ADGRB3: variants seen among roughly 807,000 people sequenced by gnomAD.
The protein encoded by ADGRB3 is adhesion G protein-coupled receptor B3, also known as brain-specific angiogenesis inhibitor 3.
In ADGRB3, 37 loss-of-function variants were observed where a neutral mutation model predicts 193.4. The ratio of observed to expected loss-of-function variants is 0.19; its 90% CI spans 0.15 to 0.25. The LOEUF (loss-of-function observed/expected upper bound fraction) is 0.25. Among genes scored for constraint, ADGRB3 ranks in the 10% least tolerant of loss-of-function variants. The pLI is 1.00. For missense variants in ADGRB3, 1,637 were observed against 1,852.9 expected (o/e 0.88, Z 2.14); for synonymous variants, 690 against 644.2 (o/e 1.07, Z -1.08).
At chr6:69,089,143 G>A (rs1222766022) in intron 17 of ADGRB3, among the ~76,000 whole-genome samples, 2 of 152,192 alleles carry the variant, frequency 1.3e-5, no homozygotes, top group Non-Finnish European at 2.9e-5. Context: ...AAAATGCTCA[G>A]TAAAGTCATT....
chr6:68,886,488 T>C (rs4706711), intron 3 of ADGRB3, among the ~76,000 whole-genome samples: 6,824 of 152,176 alleles, frequency 0.045, 297 homozygotes, highest in Admixed American at 0.11. Flanking sequence ...CTTCTTTTTA[T>C]TCACTAACAG....
chr6:69,042,489 G>A (rs1232644935), intron 13 of ADGRB3, among the ~76,000 whole-genome samples: 1 of 152,160 alleles, frequency 6.6e-6, no homozygotes, highest in Non-Finnish European at 1.5e-5. Flanking sequence ...AAGGTACTTA[G>A]CATTGCTATG....
chr6:68,734,624 G>A (rs143479316), intron 3 of ADGRB3, among the ~76,000 whole-genome samples: 1 of 152,034 alleles, frequency 6.6e-6, no homozygotes, highest in Non-Finnish European at 1.5e-5. Flanking sequence ...GTGAACACTG[G>A]GAGGATGGTA....
intron 15 of ADGRB3, among the ~76,000 whole-genome samples, chr6:69,050,299 C>T (rs185461368): frequency 2.6e-5 from 4 of 152,186 alleles, no homozygotes; most frequent in African/African-American, 7.2e-5. Context: ...ACGTGAAGCA[C>T]GTTATTAATA....
At chr6:69,133,077 T>A (rs1048818774) in intron 17 of ADGRB3, among the ~76,000 whole-genome samples, 1 of 152,178 alleles carries the variant, frequency 6.6e-6, no homozygotes, top group Admixed American at 6.5e-5. Flanking sequence ...CCAGCTTTGT[T>A]CTTTTTTCTT....
At chr6:68,760,382 A>C (rs1013791093) in intron 3 of ADGRB3, among the ~76,000 whole-genome samples, 19 of 152,234 alleles carry the variant, frequency 1.2e-4, no homozygotes, top group Admixed American at 1.2e-3. Flanking sequence ...AGGGAAGCTA[A>C]AATTCATTAA....
intron 13 of ADGRB3, among the ~76,000 whole-genome samples, chr6:69,028,831 G>C (rs1770521632): frequency 6.6e-6 from 1 of 152,110 alleles, no homozygotes; most frequent in Admixed American, 6.5e-5. Flanking sequence ...CATAAAGAAA[G>C]ATATTTTTAT....
chr6:69,199,000 C>T (rs1765358468), intron 17 of ADGRB3, among the ~76,000 whole-genome samples: 1 of 152,088 alleles, frequency 6.6e-6, no homozygotes, highest in Admixed American at 6.6e-5. Flanking sequence ...GAGCGTGTGG[C>T]TAAATGCAGG....
At chr6:69,055,514 A>G (rs1286317369) in intron 15 of ADGRB3, among the ~76,000 whole-genome samples, 2 of 152,158 alleles carry the variant, frequency 1.3e-5, no homozygotes, top group African/African-American at 4.8e-5. Context: ...TGTATATACC[A>G]CATTTTCTTC....
At chr6:68,697,943 CTTTTA>C (rs1765183502) in intron 3 of ADGRB3, among the ~76,000 whole-genome samples, 1 of 151,084 alleles carries the variant, frequency 6.6e-6, no homozygotes. Context: ...TTAATAATAT[CTTTTA>C]TTTGGTTTTA....
intron 13 of ADGRB3, among the ~76,000 whole-genome samples, chr6:69,025,144 G>A (rs982336184): frequency 3.5e-4 from 53 of 151,938 alleles, no homozygotes; most frequent in African/African-American, 1.2e-3. Flanking sequence ...TATTAAGTTT[G>A]TCAGGATGAA....
chr6:69,112,769 T>G (rs1166891998), intron 17 of ADGRB3, among the ~76,000 whole-genome samples: 4 of 152,206 alleles, frequency 2.6e-5, no homozygotes, highest in African/African-American at 9.6e-5. Flanking sequence ...GATAATTTTT[T>G]TTTTTTGAGA....
chr6:68,786,857 A>G (rs1237170661), intron 3 of ADGRB3, among the ~76,000 whole-genome samples: 2 of 151,816 alleles, frequency 1.3e-5, no homozygotes, highest in African/African-American at 4.8e-5. Context: ...TTCTCCTTGA[A>G]GAGGTTCTTC....
rs1770144786 is a variant in ADGRB3, at chr6:69,389,438, G to C, written c.*547G>C. ...AGTTTTCTCTAGAAAGCTCTGAGAA[G>C]CTTTCTCTGCTGCAGCTGTGTATAA... On this transcript the variant is annotated 3_prime_UTR_variant, in exon 32 of 32. Transcript: ENST00000370598. The C allele has an allele frequency of 2.0e-5, 3 of 152,530 alleles. No homozygotes were observed. Among genetic ancestry groups the C allele is most frequent in the South Asian group, 2.1e-4 (1 of 4,826 alleles). 9.4% of individuals were successfully genotyped at this position (152,530 alleles called of 1,614,324 possible). A position where few individuals can be genotyped will look rare whatever the true frequency, so the allele number is the denominator to read the frequency against.
intron 17 of ADGRB3, among the ~76,000 whole-genome samples, chr6:69,194,214 A>G (rs1391296019): frequency 6.6e-6 from 1 of 152,144 alleles, no homozygotes; most frequent in African/African-American, 2.4e-5. Flanking sequence ...ACCCAAAATA[A>G]AAAAGCACTA....
chr6:69,048,288 T>C lies in ADGRB3; in HGVS notation c.2211T>C (p.Asp737=), dbSNP rs565154777. The change falls in exon 14 of 32, where the codon GAT becomes GAC. Residue 737 remains aspartate (D), a synonymous_variant. Transcript: ENST00000370598. The part of the protein sequence containing the change: ...GMVDWARNSE[D]RVVIPKSIFT... Reference sequence around the variant, plus strand: ...TTGACTGGGCAAGAAACTCAGAAGATAGGGTAGTAATTCCAAAAAGCATTT... The same window carrying C: ...TTGACTGGGCAAGAAACTCAGAAGACAGGGTAGTAATTCCAAAAAGCATTT... 5 of 1,613,586 alleles carry C rather than the reference T, an allele frequency of 3.1e-6. No individual in the cohort carries two copies. The highest frequency in any genetic ancestry group is 2.2e-5 in the East Asian group (1 of 44,780).
intron 20 of ADGRB3, among the ~76,000 whole-genome samples, chr6:69,319,200 T>G (rs1768386811): frequency 6.6e-6 from 1 of 151,284 alleles, no homozygotes; most frequent in South Asian, 2.1e-4. Context: ...TAATTGTTAT[T>G]CAGTTCTAAA....
intron 20 of ADGRB3, among the ~76,000 whole-genome samples, chr6:69,279,072 TATATATA>T (rs1767364589): frequency 3.6e-4 from 1 of 2,740 alleles, no homozygotes; most frequent in South Asian, 0.01. Flanking sequence ...AATACATATG[TATATATA>T]TATATATATA....
At position 69,203,951 on chromosome 6, in the gene ADGRB3, C is replaced by T. The variant is rs372383148; in HGVS notation, c.2481-29339C>T. ...TTCAGATTTTTCATTTGAGAGTGTT[C>T]TTAGTCATCCTTAAGATAATTAACA... On this transcript the variant is annotated intron_variant, in intron 17 of 31. Transcript: ENST00000370598. 1.2e-3 allele frequency among the ~76,000 whole-genome samples: 187 copies of T among 152,134 alleles called. 2 individuals are homozygous for T. In the South Asian group the frequency reaches 0.031, roughly 25 times the overall value.
Sources: gnomAD v4.1 joint callset for allele counts (sites outside exome capture counted in the v4.1 genomes callset) on GRCh38, gnomAD v4.1.1 for gene constraint, MANE v1.5 for transcripts, NCBI Gene and HGNC (gene_info 2026-07-23, HGNC 2026-07-21) for gene names.